The following KRAS variants were observed in gnomAD, a reference collection of about 807,000 sequenced individuals.
The protein encoded by KRAS is KRas proto-oncogene, GTPase.
KRAS carries 1 observed loss-of-function variant against 21.0 expected under a neutral mutation model. The observed-to-expected ratio is 0.05, with a 90% CI of 0.02 to 0.23. KRAS has a LOEUF of 0.23. Ranked by LOEUF, KRAS falls within the 10% of genes least tolerant of loss-of-function variation. The pLI is 1.00. For synonymous variants in KRAS, 67 were observed against 72.5 expected (o/e 0.92, Z 0.39); for missense variants, 107 against 221.8 (o/e 0.48, Z 3.29).
At chr12:25,242,889 G>A (rs1165075359) in intron 2 of KRAS, among the ~76,000 whole-genome samples, 2 of 152,126 alleles carry the variant, frequency 1.3e-5, no homozygotes, top group Non-Finnish European at 2.9e-5. Context: ...CAACCTCTCA[G>A]AGACATTATT....
Position 25,250,884 on chromosome 12 carries a change from C to G in KRAS, c.-145G>C, listed in dbSNP as rs1031899852. The G allele has an allele frequency of 4.0e-6, 1 of 247,972 alleles. No individual in the cohort carries two copies. Among genetic ancestry groups the G allele is most frequent in the Non-Finnish European group, 7.6e-6 (1 of 131,308 alleles). 15.4% of individuals were successfully genotyped at this position (247,972 alleles called of 1,614,324 possible). On this transcript the variant is annotated 5_prime_UTR_variant, in exon 1 of 5. Coordinates refer to ENST00000311936, the MANE Select transcript of KRAS (RefSeq NM_004985.5). ...GAGCCGCCGCCACCTTCGCCGCCGC[C>G]ACTGCCGCCGCCGCTGCTGCCTCCG...
intron 1 of KRAS, among the ~76,000 whole-genome samples, chr12:25,249,835 T>C (rs1305333095): frequency 6.6e-6 from 1 of 152,140 alleles, no homozygotes; most frequent in East Asian, 1.9e-4. Context: ...CTTCAAGTAC[T>C]ATTTTTGCTA....
At chr12:25,210,056 G>A in intron 4 of KRAS, 145 bp from the exon 5 acceptor site, 1 of 540,062 alleles carries the variant, frequency 1.9e-6, no homozygotes, top group Non-Finnish European at 3.1e-6. Flanking sequence ...CATATATTAG[G>A]ACTTTTAGAA....
chr12:25,237,250 G>A (rs764912102), intron 2 of KRAS, among the ~76,000 whole-genome samples: 7 of 152,148 alleles, frequency 4.6e-5, no homozygotes, highest in Non-Finnish European at 7.3e-5. Flanking sequence ...GAAGGGATTG[G>A]GGAGTGGCTG....
At chr12:25,215,293 TACTAATTATGGAA>T in intron 4 of KRAS, 1 of 1,288,000 alleles carries the variant, frequency 7.8e-7, no homozygotes, top group South Asian at 1.5e-5. Context: ...AAAATAAATG[TACTAATTATGGAA>T]ACAAGTTTCT....
intron 4 of KRAS, among the ~76,000 whole-genome samples, chr12:25,220,730 A>AAT (rs1201953028): frequency 6.6e-6 from 1 of 151,318 alleles, no homozygotes; most frequent in Non-Finnish European, 1.5e-5. Context: ...TCAAAAAAAA[A>AAT]AAAAATACTA....
chr12:25,210,491 T>C (rs2141482373), intron 4 of KRAS, among the ~76,000 whole-genome samples: 1 of 152,254 alleles, frequency 6.6e-6, no homozygotes, highest in Admixed American at 6.5e-5. Flanking sequence ...AGTTTTCAAA[T>C]GATATATATT....
At chr12:25,248,643 C>T (rs1263311388) in intron 1 of KRAS, among the ~76,000 whole-genome samples, 2 of 150,800 alleles carry the variant, frequency 1.3e-5, no homozygotes, top group African/African-American at 4.9e-5. Flanking sequence ...ATTTTTAAAA[C>T]CAAATCACAT....
At chr12:25,215,958 C>T (rs1222529947) in intron 4 of KRAS, among the ~76,000 whole-genome samples, 3 of 152,060 alleles carry the variant, frequency 2.0e-5, no homozygotes, top group East Asian at 3.9e-4. Context: ...TATATACTAT[C>T]GATTCCCACA....
rs781779733 is a variant in KRAS at position 25,207,918 on chromosome 12, G to A, written c.*1877C>T. 44 of 233,060 alleles carry A rather than the reference G, an allele frequency of 1.9e-4. No individual in the cohort carries two copies. Among genetic ancestry groups the A allele is most frequent in the Admixed American group, 4.5e-4 (8 of 17,772 alleles). 14.4% of individuals were successfully genotyped at this position (233,060 alleles called of 1,614,324 possible). Reference sequence around the variant, plus strand: ...ACAGCAGCAGTAAATCTTATGGTTAGGGGAATTACAAGTATTAAAACTGCA... The same window carrying A: ...ACAGCAGCAGTAAATCTTATGGTTAAGGGAATTACAAGTATTAAAACTGCA... On this transcript the variant is annotated 3_prime_UTR_variant, in exon 5 of 5. Coordinates refer to ENST00000311936, the MANE Select transcript of KRAS (RefSeq NM_004985.5).
intron 2 of KRAS, among the ~76,000 whole-genome samples, chr12:25,242,758 T>C (rs1422826849): frequency 1.3e-5 from 2 of 152,182 alleles, no homozygotes; most frequent in African/African-American, 4.8e-5. Context: ...ATTTGAAAGA[T>C]AGCTAATTTT....
intron 4 of KRAS, among the ~76,000 whole-genome samples, chr12:25,216,284 A>C (rs1951254688): frequency 2.0e-5 from 3 of 152,074 alleles, no homozygotes; most frequent in Admixed American, 2.0e-4. Flanking sequence ...TTCTTTTTTT[A>C]TTTTTTTGTT....
chr12:25,250,562 G>C, intron 1 of KRAS, among the ~76,000 whole-genome samples, 189 bp downstream of exon 1: 1 of 151,790 alleles, frequency 6.6e-6, no homozygotes, highest in East Asian at 1.9e-4. Context: ...CTCACTCCCC[G>C]CGCCGCCGCG....
chr12:25,249,089 C>T (rs567873679), intron 1 of KRAS, among the ~76,000 whole-genome samples: 1 of 150,708 alleles, frequency 6.6e-6, no homozygotes, highest in Non-Finnish European at 1.5e-5. Flanking sequence ...GAAAACCTGT[C>T]TGTTTTGATG....
Position 25,206,985 on chromosome 12 carries a change from A to G in KRAS, c.*2810T>C, listed in dbSNP as rs180766260. On this transcript the variant is annotated 3_prime_UTR_variant, in exon 5 of 5. Coordinates refer to ENST00000311936, the MANE Select transcript of KRAS (RefSeq NM_004985.5). ...TTTAAAACAATGAAGTGATTTACAT[A>G]AAGTAGCTTGATCGAAGAGTTTCAG... 3.4e-3 allele frequency: 696 copies of G among 206,148 alleles called. 5 individuals carry two copies. The highest frequency in any genetic ancestry group is 0.021 in the Middle Eastern group (13 of 628). The allele number at this position is 206,148 out of a possible 1,614,324, so 12.8% of individuals were successfully genotyped here.
At chr12:25,215,635 G>C in intron 4 of KRAS, 2 of 1,244,324 alleles carry the variant, frequency 1.6e-6, no homozygotes, top group South Asian at 1.2e-5. Context: ...CCATGTGCAA[G>C]AAGTTTGAGA....
chr12:25,224,184 A>T (rs1347028024), intron 4 of KRAS, among the ~76,000 whole-genome samples: 8 of 22,548 alleles, frequency 3.5e-4, no homozygotes, highest in African/African-American at 1.3e-3. Context: ...CCTATTTACT[A>T]AAAAAAAAAA....
intron 1 of KRAS, among the ~76,000 whole-genome samples, chr12:25,249,536 G>A (rs11047920): frequency 1.9e-4 from 25 of 133,280 alleles, no homozygotes; most frequent in Non-Finnish European, 2.9e-4. Context: ...AGGTTTCAGT[G>A]AGCCGATACC....
chr12:25,233,519 A>G (rs910279166), intron 2 of KRAS, among the ~76,000 whole-genome samples: 1 of 152,210 alleles, frequency 6.6e-6, no homozygotes, highest in African/African-American at 2.4e-5. Context: ...GAACGAAGGT[A>G]GGTTAGATCA....
Sources: gnomAD v4.1 joint callset for allele counts (sites outside exome capture counted in the v4.1 genomes callset) on GRCh38, gnomAD v4.1.1 for gene constraint, MANE v1.5 for transcripts, NCBI Gene and HGNC (gene_info 2026-07-23, HGNC 2026-07-21) for gene names.